The following EIF3E variants were observed in gnomAD, a reference collection of about 807,000 sequenced individuals.
EIF3E encodes eukaryotic translation initiation factor 3 subunit E.
EIF3E carries 25 observed loss-of-function variants against 59.3 expected under a neutral mutation model. The ratio of observed to expected loss-of-function variants is 0.42; its 90% CI spans 0.31 to 0.59. EIF3E has a LOEUF of 0.59. Ranked by LOEUF, EIF3E falls within the 20% of genes least tolerant of loss-of-function variation. The probability of loss-of-function intolerance (pLI) is 0.15; values close to 1 mark genes in which losing one functional copy is unlikely to be tolerated. For synonymous variants in EIF3E, 176 were observed against 170.2 expected (o/e 1.03, Z -0.26); for missense variants, 317 against 534.3 (o/e 0.59, Z 4.01).
chr8:108,242,445 A>G (rs1815856461), intron 1 of EIF3E: 1 of 1,288,154 alleles, frequency 7.8e-7, no homozygotes, highest in Admixed American at 2.3e-5. Flanking sequence ...GAGCAAATAG[A>G]TACATATACA....
chr8:108,224,860 GCA>G (rs1815490162), intron 7 of EIF3E, among the ~76,000 whole-genome samples: 1 of 151,462 alleles, frequency 6.6e-6, no homozygotes, highest in Non-Finnish European at 1.5e-5. Context: ...AACTATACTA[GCA>G]GTCCCTATAT....
At chr8:108,210,931 A>C (rs529759247) in intron 10 of EIF3E, among the ~76,000 whole-genome samples, 136 of 152,144 alleles carry the variant, frequency 8.9e-4, no homozygotes, top group African/African-American at 3.2e-3. Flanking sequence ...TGAACTCATC[A>C]TTTTTTATGG....
At chr8:108,206,633 G>A (rs1231726698) in intron 10 of EIF3E, among the ~76,000 whole-genome samples, 1 of 150,756 alleles carries the variant, frequency 6.6e-6, no homozygotes, top group Non-Finnish European at 1.5e-5. Context: ...TGGTCGCACA[G>A]ACACACACAC....
At chr8:108,244,991 A>G (rs1176322960) in intron 1 of EIF3E, among the ~76,000 whole-genome samples, 1 of 151,852 alleles carries the variant, frequency 6.6e-6, no homozygotes, top group Non-Finnish European at 1.5e-5. Context: ...GAATGACCCC[A>G]TTATTAGCTC....
At chr8:108,223,760 TCAA>T (rs1188087513) in intron 7 of EIF3E, among the ~76,000 whole-genome samples, 1 of 151,736 alleles carries the variant, frequency 6.6e-6, no homozygotes, top group African/African-American at 2.4e-5. Flanking sequence ...ATTTAAAAGT[TCAA>T]CACTTTTCAA....
intron 5 of EIF3E, chr8:108,234,708 A>C (rs1270607668): frequency 1.5e-5 from 3 of 202,700 alleles, no homozygotes; most frequent in Non-Finnish European, 2.9e-5. Flanking sequence ...TATTATAATA[A>C]TAAATCCATT....
At chr8:108,220,286 T>C (rs2129875085) in intron 7 of EIF3E, among the ~76,000 whole-genome samples, 1 of 152,394 alleles carries the variant, frequency 6.6e-6, no homozygotes, top group East Asian at 1.9e-4. Flanking sequence ...TATTATCTTT[T>C]AGCGTGTCAT....
intron 3 of EIF3E, among the ~76,000 whole-genome samples, chr8:108,239,630 C>A (rs748396478): frequency 6.6e-6 from 1 of 152,114 alleles, no homozygotes; most frequent in Non-Finnish European, 1.5e-5. Flanking sequence ...GTCCCTATAG[C>A]ACCCCTCCAG....
At chr8:108,217,631 A>G (rs1815328905) in intron 7 of EIF3E, among the ~76,000 whole-genome samples, 171 bp from the exon 8 acceptor site, 1 of 152,202 alleles carries the variant, frequency 6.6e-6, no homozygotes, top group Non-Finnish European at 1.5e-5. Flanking sequence ...ATCCAGTTTC[A>G]GGAATCCAAA....
intron 1 of EIF3E, 22 bp downstream of exon 1, chr8:108,248,591 T>A (rs765853002): frequency 1.1e-5 from 17 of 1,612,944 alleles, no homozygotes; most frequent in Admixed American, 5.0e-5. Context: ...CACGCCTTCC[T>A]TGCGCCCAAA....
intron 7 of EIF3E, among the ~76,000 whole-genome samples, chr8:108,220,348 T>C (rs763117350): frequency 5.9e-5 from 9 of 152,252 alleles, no homozygotes; most frequent in Non-Finnish European, 1.0e-4. Context: ...TTTTGAAATA[T>C]AGAAATTTCC....
At chr8:108,201,984 C>G in intron 12 of EIF3E, 61 bp from the exon 13 acceptor site, 3 of 1,450,502 alleles carry the variant, frequency 2.1e-6, no homozygotes, top group Non-Finnish European at 2.8e-6. Context: ...AAAAAACTAA[C>G]ATAGAAGAAA....
intron 7 of EIF3E, among the ~76,000 whole-genome samples, 193 bp from the exon 8 acceptor site, chr8:108,217,653 C>T (rs1349109413): frequency 3.3e-5 from 5 of 152,034 alleles, no homozygotes; most frequent in South Asian, 2.1e-4. Context: ...GAGGAGAATG[C>T]TAGCCACTAT....
At position 108,241,896 on chromosome 8, in the gene EIF3E, T is replaced by C; in HGVS notation, c.108A>G (p.Glu36=). 6.3e-7 allele frequency: 1 copy of C among 1,585,660 alleles called. No individual in the cohort carries two copies. Among genetic ancestry groups the C allele is most frequent in the Non-Finnish European group, 8.6e-7 (1 of 1,167,304 alleles). ...GAAGGTCCAATTTACCTTGTAATAA[T>C]TCCTTTTCATTATATATCTGCAAAA... ...LSVKEIYNEK[E]LLQGKLDLLS... The change falls in exon 2 of 13, where the codon GAA becomes GAG. Residue 36 remains glutamate (E), a synonymous_variant. Coordinates refer to ENST00000220849, the MANE Select transcript of EIF3E (RefSeq NM_001568.3).
intron 10 of EIF3E, among the ~76,000 whole-genome samples, chr8:108,205,694 C>T (rs1297660618): frequency 6.6e-6 from 1 of 152,220 alleles, no homozygotes; most frequent in Non-Finnish European, 1.5e-5. Context: ...CATATCGACA[C>T]TGTATACGCT....
intron 11 of EIF3E, 68 bp downstream of exon 11, chr8:108,203,333 C>G (rs918162744): frequency 7.0e-7 from 1 of 1,423,678 alleles, no homozygotes; most frequent in Middle Eastern, 2.3e-4. Context: ...ATAAAATGTC[C>G]TAGTTAAGAA....
At chr8:108,214,928 A>G (rs1448301785) in intron 9 of EIF3E, among the ~76,000 whole-genome samples, 2 of 152,230 alleles carry the variant, frequency 1.3e-5, no homozygotes, top group South Asian at 2.1e-4. Context: ...AATGTTTCTG[A>G]TAACTTTAAT....
chr8:108,201,939 A>G lies in EIF3E; in HGVS notation c.1300-16T>C. 1 of 1,573,520 alleles carries G rather than the reference A, an allele frequency of 6.4e-7. No homozygotes were observed. The highest frequency in any genetic ancestry group is 8.6e-7 in the Non-Finnish European group (1 of 1,159,854). On this transcript the variant is annotated splice_polypyrimidine_tract_variant and intron_variant, in intron 12 of 12. Coordinates refer to ENST00000220849, the MANE Select transcript of EIF3E (RefSeq NM_001568.3). ...AGTTAGGAGCCTAAAATATGCAAAA[A>G]GAAATCAACACCGTGAAAAGAAAAT...
rs542344813 is a variant in EIF3E, at chr8:108,236,054, T to C, written c.366+107A>G. On this transcript the variant is annotated intron_variant, in intron 4 of 12. Transcript: ENST00000220849. ...CCAGATTTTATAATTAATAAATTAA[T>C]CTGGAAATTATATTCTTAGGCCAAG... 22 of 820,910 alleles carry C rather than the reference T, an allele frequency of 2.7e-5. No homozygotes were observed. In the African/African-American group the frequency reaches 3.0e-4, roughly 11 times the overall value. 50.9% of individuals were successfully genotyped at this position (820,910 alleles called of 1,614,324 possible).
Sources: allele counts gnomAD v4.1 joint callset (sites outside exome capture counted in the v4.1 genomes callset), GRCh38; gene constraint gnomAD v4.1.1; transcripts MANE v1.5; gene names NCBI Gene and HGNC (gene_info 2026-07-23, HGNC 2026-07-21).